Variants in ASTN2 observed in about 807,000 individuals in gnomAD.
ASTN2 encodes the protein astrotactin-2.
Under a neutral mutation model 139.8 loss-of-function variants are expected in ASTN2, and 54 were observed. The ratio of observed to expected loss-of-function variants is 0.39; its 90% confidence interval spans 0.31 to 0.48. The LOEUF is 0.48. Ranked by LOEUF, ASTN2 falls within the 20% of genes least tolerant of loss-of-function variation. The pLI is 0.95. For synonymous variants in ASTN2, 756 were observed against 719.5 expected (o/e 1.05, Z -0.81); for missense variants, 1,565 against 1,725.1 (o/e 0.91, Z 1.64).
At chr9:116,972,268 A>G (rs904789777) in intron 10 of ASTN2, among the ~76,000 whole-genome samples, 3 of 152,050 alleles carry the variant, frequency 2.0e-5, no homozygotes, top group Non-Finnish European at 2.9e-5. Context: ...CCAAAATTCT[A>G]TATCATATTT....
chr9:117,228,116 A>G (rs1229135025), intron 2 of ASTN2, among the ~76,000 whole-genome samples: 1 of 152,148 alleles, frequency 6.6e-6, no homozygotes, highest in Non-Finnish European at 1.5e-5. Flanking sequence ...CAACAATAAC[A>G]GGTGCCTTTT....
intron 7 of ASTN2, among the ~76,000 whole-genome samples, chr9:116,999,667 C>G (rs1227393483): frequency 7.2e-6 from 1 of 139,328 alleles, no homozygotes; most frequent in Non-Finnish European, 1.5e-5. Flanking sequence ...TCAAGCAAAT[C>G]TTGTGCCTCA....
At chr9:116,453,052 C>T (rs1848220285) in intron 20 of ASTN2, among the ~76,000 whole-genome samples, 1 of 152,044 alleles carries the variant, frequency 6.6e-6, no homozygotes, top group South Asian at 2.1e-4. Flanking sequence ...AGTTAGGGAA[C>T]ATTATAGGCA....
intron 5 of ASTN2, among the ~76,000 whole-genome samples, chr9:117,061,567 C>T (rs138124549): frequency 2.6e-3 from 398 of 152,212 alleles, no homozygotes; most frequent in Non-Finnish European, 3.6e-3. Context: ...CATCTTTAAA[C>T]GTCCAGCTTA....
chr9:116,929,538 C>G (rs1241746841), intron 10 of ASTN2, among the ~76,000 whole-genome samples: 1 of 152,162 alleles, frequency 6.6e-6, no homozygotes. Context: ...TGACTCTGTG[C>G]TGCATCTTGG....
At chr9:117,331,548 T>C (rs1828707460) in intron 1 of ASTN2, among the ~76,000 whole-genome samples, 1 of 152,162 alleles carries the variant, frequency 6.6e-6, no homozygotes, top group African/African-American at 2.4e-5. Flanking sequence ...CATTGACTTA[T>C]CTATCCACCA....
At chr9:116,724,229 T>C (rs974788119) in intron 16 of ASTN2, among the ~76,000 whole-genome samples, 1 of 152,214 alleles carries the variant, frequency 6.6e-6, no homozygotes, top group Non-Finnish European at 1.5e-5. Context: ...TAATGATGTG[T>C]CACATTATTT....
At chr9:116,458,176 G>A (rs1297534022) in intron 20 of ASTN2, among the ~76,000 whole-genome samples, 3 of 151,764 alleles carry the variant, frequency 2.0e-5, no homozygotes, top group Non-Finnish European at 4.4e-5. Context: ...AACTAATCGA[G>A]CTAGAGGATA....
intron 3 of ASTN2, among the ~76,000 whole-genome samples, chr9:117,212,245 A>T (rs180937861): frequency 6.6e-6 from 1 of 152,288 alleles, no homozygotes; most frequent in Non-Finnish European, 1.5e-5. Flanking sequence ...ACTTTTACCC[A>T]ATAAAAAATT....
At chr9:117,236,890 A>G (rs750895766) in intron 2 of ASTN2, among the ~76,000 whole-genome samples, 39 of 152,246 alleles carry the variant, frequency 2.6e-4, no homozygotes, top group Non-Finnish European at 5.3e-4. Context: ...CATAAATATT[A>G]GCTATGATCC....
chr9:117,135,758 C>T (rs1293464305), intron 4 of ASTN2, among the ~76,000 whole-genome samples: 1 of 152,102 alleles, frequency 6.6e-6, no homozygotes, highest in African/African-American at 2.4e-5. Context: ...AGAGCAGATG[C>T]TGAGGCTGGA....
At chr9:116,447,116 C>G (rs534412260) in intron 20 of ASTN2, among the ~76,000 whole-genome samples, 1 of 152,174 alleles carries the variant, frequency 6.6e-6, no homozygotes, top group African/African-American at 2.4e-5. Flanking sequence ...GGTTCCAGAA[C>G]ATGGATCCCA....
chr9:116,846,295 C>T (rs954902827), intron 11 of ASTN2, among the ~76,000 whole-genome samples: 5 of 152,146 alleles, frequency 3.3e-5, no homozygotes, highest in Non-Finnish European at 7.4e-5. Context: ...GAATTTGCAT[C>T]ACGCTACCAA....
At chr9:116,927,004 G>T (rs1834772520) in intron 10 of ASTN2, among the ~76,000 whole-genome samples, 1 of 152,118 alleles carries the variant, frequency 6.6e-6, no homozygotes, top group Non-Finnish European at 1.5e-5. Flanking sequence ...AATGAATCGT[G>T]GTTTACAAGT....
intron 17 of ASTN2, among the ~76,000 whole-genome samples, chr9:116,638,118 T>C (rs16933774): frequency 0.024 from 3,611 of 151,936 alleles, 141 homozygotes; most frequent in African/African-American, 0.083. Context: ...CCCTTCTATT[T>C]CTTTCTTCTC....
intron 13 of ASTN2, among the ~76,000 whole-genome samples, chr9:116,767,215 T>C (rs1432500194): frequency 3.3e-5 from 5 of 151,822 alleles, no homozygotes; most frequent in South Asian, 2.1e-4. Context: ...GCCTGAAGAA[T>C]TGACTCAATG....
At chr9:116,664,369 C>T (rs1858740326) in intron 16 of ASTN2, among the ~76,000 whole-genome samples, 1 of 150,548 alleles carries the variant, frequency 6.6e-6, no homozygotes, top group African/African-American at 2.4e-5. Flanking sequence ...TGTGAGCCAC[C>T]ATGTCCAGCC....
At chr9:117,134,266 T>TTATATATATATATA (rs5900267) in intron 4 of ASTN2, among the ~76,000 whole-genome samples, 18 of 92,604 alleles carry the variant, frequency 1.9e-4, no homozygotes, top group South Asian at 8.1e-4. Context: ...CTAATGAAAA[T>TTATATATATATATA]TATATATATA....
At chr9:117,347,390 C>G (rs1474858633) in intron 1 of ASTN2, among the ~76,000 whole-genome samples, 1 of 151,964 alleles carries the variant, frequency 6.6e-6, no homozygotes, top group Admixed American at 6.6e-5. Flanking sequence ...TGGGAGGTTG[C>G]CCCAGCTCTT....
Sources: gnomAD v4.1 joint callset for allele counts (sites outside exome capture counted in the v4.1 genomes callset) on GRCh38, gnomAD v4.1.1 for gene constraint, MANE v1.5 for transcripts, NCBI Gene and HGNC (gene_info 2026-07-23, HGNC 2026-07-21) for gene names.